The following MGA variants were observed in gnomAD, a reference collection of about 807,000 sequenced individuals.
MGA encodes MAX gene-associated protein.
A neutral mutation model predicts 261.1 loss-of-function variants in MGA; 40 were observed. The ratio of observed to expected loss-of-function variants is 0.15; its 90% confidence interval spans 0.12 to 0.20. The LOEUF is 0.20. MGA is among the 10% of genes least tolerant of loss of function. The pLI is 1.00. For missense variants in MGA, 3,397 were observed against 3,630.5 expected (o/e 0.94, Z 1.65); for synonymous variants, 1,302 against 1,290.6 (o/e 1.01, Z -0.19).
At chr15:41,623,668 G>A (rs1274131255) in intron 1 of MGA, among the ~76,000 whole-genome samples, 4 of 151,274 alleles carry the variant, frequency 2.6e-5, no homozygotes, top group Non-Finnish European at 5.9e-5. Flanking sequence ...CGGAGGTTGC[G>A]GTGAGTGGAG....
At position 41,675,510 on chromosome 15, in the gene MGA, A is replaced by T. The variant is rs559830701; in HGVS notation, c.1064+5552A>T. ...TGTCTCAGCCTCCCTAGTAGCTGGGACTACAGGCATGCACCACCACGCCCA... is the reference window on the plus strand; with the variant it reads ...TGTCTCAGCCTCCCTAGTAGCTGGGTCTACAGGCATGCACCACCACGCCCA... On this transcript the variant is annotated intron_variant, in intron 2 of 23. Coordinates refer to ENST00000219905, the MANE Select transcript of MGA (RefSeq NM_001164273.2). Among the ~76,000 whole-genome samples, 3 of 152,062 alleles carry T rather than the reference A, an allele frequency of 2.0e-5. No individual in the cohort carries two copies. The South Asian group carries it at 6.2e-4, about 32-fold the overall frequency.
At position 41,691,521 on chromosome 15, in the gene MGA, A is replaced by G. The variant is rs868646059; in HGVS notation, c.1065-4554A>G. On this transcript the variant is annotated intron_variant, in intron 2 of 23. Transcript: ENST00000219905. ...TTCCTCTACAATCTGGATGCCTTTT[A>G]TTTCTTTTTCTTGCCTAATCATCCT... The G allele has an allele frequency of 4.5e-5, 15 of 335,042 alleles. No individual in the cohort carries two copies. In the Middle Eastern group the frequency reaches 1.3e-3, roughly 30 times the overall value. 20.8% of individuals were successfully genotyped at this position (335,042 alleles called of 1,614,324 possible).
At chr15:41,643,559 T>C (rs1401767327) in intron 1 of MGA, among the ~76,000 whole-genome samples, 1 of 151,806 alleles carries the variant, frequency 6.6e-6, no homozygotes, top group Non-Finnish European at 1.5e-5. Flanking sequence ...ATTTTTAAAG[T>C]GATTTTTTTG....
chr15:41,678,988 T>C (rs1171343734), intron 2 of MGA, among the ~76,000 whole-genome samples: 1 of 152,180 alleles, frequency 6.6e-6, no homozygotes, highest in Non-Finnish European at 1.5e-5. Flanking sequence ...TTTGTTCTTA[T>C]TTTTCAAAAT....
intron 19 of MGA, among the ~76,000 whole-genome samples, chr15:41,759,455 TGTGTGTGTA>T (rs1284677075): frequency 7.1e-6 from 1 of 141,300 alleles, no homozygotes; most frequent in Non-Finnish European, 1.5e-5. Flanking sequence ...TGTGTGTGTG[TGTGTGTGTA>T]TTTTTTTTTT....
intron 2 of MGA, among the ~76,000 whole-genome samples, chr15:41,680,288 A>C (rs545285662): frequency 6.6e-6 from 1 of 152,200 alleles, no homozygotes; most frequent in Non-Finnish European, 1.5e-5. Context: ...TCAGAATTAT[A>C]ATTTTTAAAA....
intron 1 of MGA, among the ~76,000 whole-genome samples, chr15:41,667,707 T>C (rs2057832876): frequency 6.6e-6 from 1 of 152,194 alleles, no homozygotes; most frequent in Non-Finnish European, 1.5e-5. Context: ...AAAGGAGTTC[T>C]TTATAAGTTG....
At chr15:41,626,807 C>T (rs1487338812) in intron 1 of MGA, among the ~76,000 whole-genome samples, 10 of 152,102 alleles carry the variant, frequency 6.6e-5, no homozygotes, top group Non-Finnish European at 1.2e-4. Context: ...GCTTCCCTTC[C>T]AGCTTTTCCC....
At chr15:41,759,762 A>G (rs1382140617) in intron 19 of MGA, among the ~76,000 whole-genome samples, 1 of 152,168 alleles carries the variant, frequency 6.6e-6, no homozygotes, top group Non-Finnish European at 1.5e-5. Context: ...TAAGTTTTAA[A>G]TGTTATGGGG....
chr15:41,653,580 G>A (rs999563698), intron 1 of MGA, among the ~76,000 whole-genome samples: 1 of 151,202 alleles, frequency 6.6e-6, no homozygotes, highest in Non-Finnish European at 1.5e-5. Flanking sequence ...GTGGTGGCGT[G>A]GCCTATAATC....
intron 23 of MGA, among the ~76,000 whole-genome samples, chr15:41,765,371 A>G (rs2063746679): frequency 6.6e-6 from 1 of 152,220 alleles, no homozygotes; most frequent in Non-Finnish European, 1.5e-5. Context: ...GTGTTGATAA[A>G]TATTTGTCAC....
At chr15:41,693,198 T>C (rs1011528716) in intron 2 of MGA, among the ~76,000 whole-genome samples, 1 of 152,072 alleles carries the variant, frequency 6.6e-6, no homozygotes, top group African/African-American at 2.4e-5. Flanking sequence ...AGGGTACATG[T>C]GCACAATGTG....
intron 15 of MGA, among the ~76,000 whole-genome samples, chr15:41,744,921 C>T (rs191189784): frequency 2.6e-5 from 4 of 152,244 alleles, no homozygotes; most frequent in African/African-American, 9.6e-5. Context: ...CTCTGTTGCC[C>T]AGGCTGGAGT....
chr15:41,736,782 G>A, intron 13 of MGA, 84 bp downstream of exon 13: 1 of 1,371,738 alleles, frequency 7.3e-7, no homozygotes, highest in East Asian at 2.5e-5. Context: ...TTATGGTCCT[G>A]ATATCCTTTA....
Position 41,696,109 on chromosome 15 carries a change from GTAGCC to G in MGA, c.1101_1105del (p.Ala368ThrfsTer13). 1 of 1,613,046 alleles carries G rather than the reference GTAGCC, an allele frequency of 6.2e-7. No homozygotes were observed. Among genetic ancestry groups the G allele is most frequent in the Non-Finnish European group, 8.5e-7 (1 of 1,179,670 alleles). The stretch of plus-strand genomic sequence containing the variant: ...CAGCAGTTTTGAAGATGACTCCCGT[GTAGCC>G]TCACCGTTAGACCAGAACGGAAGCT... On this transcript the variant is annotated frameshift_variant, in exon 3 of 24. Coordinates refer to ENST00000219905, the MANE Select transcript of MGA (RefSeq NM_001164273.2). LOFTEE classifies it high-confidence loss of function.
chr15:41,691,651 C>T (rs1208715710), intron 2 of MGA: 1 of 516,460 alleles, frequency 1.9e-6, no homozygotes, highest in East Asian at 5.5e-5. Flanking sequence ...TCTCAGCTGT[C>T]TGAAAATGTC....
At chr15:41,763,092 CTTTTTTTTTTTTT>C (rs71108131) in intron 22 of MGA, among the ~76,000 whole-genome samples, 6 of 63,950 alleles carry the variant, frequency 9.4e-5, no homozygotes, top group Admixed American at 4.7e-4. Flanking sequence ...TTCTTTCTTC[CTTTTTTTTTTTTT>C]TTTTTTTTTT....
upstream of MGA, among the ~76,000 whole-genome samples, chr15:41,657,655 C>T (rs894556191): frequency 1.2e-4 from 18 of 146,340 alleles, no homozygotes; most frequent in African/African-American, 4.3e-4. Flanking sequence ...CGCACCTGGC[C>T]GAAGGACTTT....
At chr15:41,628,065 A>G (rs1042690132) in intron 1 of MGA, among the ~76,000 whole-genome samples, 3 of 152,154 alleles carry the variant, frequency 2.0e-5, no homozygotes, top group African/African-American at 7.2e-5. Context: ...TTGGTAGACA[A>G]TGAGCTAATA....
Sources: gnomAD v4.1 joint callset for allele counts (sites outside exome capture counted in the v4.1 genomes callset) on GRCh38, gnomAD v4.1.1 for gene constraint, MANE v1.5 for transcripts, NCBI Gene and HGNC (gene_info 2026-07-23, HGNC 2026-07-21) for gene names.